TBXAS1: variants seen among roughly 807,000 people sequenced by gnomAD.
TBXAS1 encodes thromboxane-A synthase.
Under a neutral mutation model 60.7 loss-of-function variants are expected in TBXAS1, and 48 were observed. The ratio of observed to expected loss-of-function variants is 0.79; its 90% CI spans 0.63 to 1.01. The LOEUF (loss-of-function observed/expected upper bound fraction) is 1.01. Among genes scored for constraint, TBXAS1 ranks in the 50% least tolerant of loss-of-function variants. TBXAS1 has a pLI of 0.00. For synonymous variants in TBXAS1, 287 were observed against 269.7 expected (o/e 1.06, Z -0.63); for missense variants, 685 against 686.3 (o/e 1.00, Z 0.02).
At chr7:139,950,037 A>ATTTT (rs3082651) in intron 5 of TBXAS1, among the ~76,000 whole-genome samples, 1 of 103,544 alleles carries the variant, frequency 9.7e-6, no homozygotes. Context: ...AGGTGATGGG[A>ATTTT]TTTTTTTTTT....
intron 4 of TBXAS1, among the ~76,000 whole-genome samples, chr7:139,803,825 C>G (rs1169331074): frequency 1.3e-5 from 2 of 152,194 alleles, no homozygotes; most frequent in Non-Finnish European, 2.9e-5. Flanking sequence ...GCAAAAAAGT[C>G]AAGAATTGAG....
chr7:139,984,397 C>T (rs1418433492), intron 9 of TBXAS1, among the ~76,000 whole-genome samples: 2 of 151,948 alleles, frequency 1.3e-5, no homozygotes, highest in South Asian at 2.1e-4. Context: ...CCTCCTTGAC[C>T]TGCCACAATG....
At position 139,953,422 on chromosome 7, in the gene TBXAS1, T is replaced by G; in HGVS notation, c.505T>G (p.Tyr169Asp). 6.2e-7 allele frequency: 1 copy of G among 1,614,222 alleles called. No individual in the cohort carries two copies. Among genetic ancestry groups the G allele is most frequent in the Non-Finnish European group, 8.5e-7 (1 of 1,180,028 alleles). The change falls in exon 6 of 13, where the codon TAT becomes GAT. Residue 169 changes from tyrosine (Y) to aspartate (D), a missense_variant. Coordinates refer to ENST00000448866, the MANE Select transcript of TBXAS1 (RefSeq NM_001061.7). ...CDLLLAHLKR[Y>D]AESGDAFDIQ... ...CCTTCTCCTGGCTCATTTAAAACGCTATGCGGAATCTGGGGACGCATTTGA... is the reference window on the plus strand; with the variant it reads ...CCTTCTCCTGGCTCATTTAAAACGCGATGCGGAATCTGGGGACGCATTTGA...
intron 1 of TBXAS1, among the ~76,000 whole-genome samples, chr7:139,839,825 G>C (rs530970953): frequency 6.6e-6 from 1 of 151,334 alleles, no homozygotes; most frequent in Non-Finnish European, 1.5e-5. Flanking sequence ...CACTACACTC[G>C]CACTCCAGCC....
At chr7:139,851,541 A>G (rs1800212996) in intron 1 of TBXAS1, among the ~76,000 whole-genome samples, 1 of 152,240 alleles carries the variant, frequency 6.6e-6, no homozygotes, top group African/African-American at 2.4e-5. Context: ...CTTTTCCAGT[A>G]AAAGCATGGC....
At chr7:139,859,139 T>G (rs1411411519) in intron 1 of TBXAS1, among the ~76,000 whole-genome samples, 4 of 151,996 alleles carry the variant, frequency 2.6e-5, no homozygotes, top group Non-Finnish European at 4.4e-5. Flanking sequence ...CCTCCCAAAG[T>G]GCTGGGATTA....
chr7:139,887,344 G>A (rs777566826), intron 3 of TBXAS1, among the ~76,000 whole-genome samples: 2 of 151,964 alleles, frequency 1.3e-5, no homozygotes, highest in Admixed American at 6.5e-5. Flanking sequence ...TCACATTGTC[G>A]TGCAGCTATC....
intron 4 of TBXAS1, among the ~76,000 whole-genome samples, chr7:139,791,971 G>A (rs1348443014): frequency 2.7e-5 from 4 of 148,726 alleles, no homozygotes; most frequent in African/African-American, 1.0e-4. Context: ...TTTTTTTCCT[G>A]TGGGAAGATA....
intron 4 of TBXAS1, among the ~76,000 whole-genome samples, chr7:139,925,745 GT>G (rs1239670273): frequency 6.6e-6 from 1 of 152,110 alleles, no homozygotes; most frequent in East Asian, 1.9e-4. Context: ...AAGGTTTTCA[GT>G]TTTTCCCCAT....
At chr7:139,810,330 G>A (rs994983459) in intron 4 of TBXAS1, among the ~76,000 whole-genome samples, 6 of 152,168 alleles carry the variant, frequency 3.9e-5, no homozygotes, top group South Asian at 2.1e-4. Context: ...CACTGTGCCC[G>A]GCCTGGAAAT....
In TBXAS1 at chr7:139,957,648, A is replaced by C; in HGVS notation, c.703A>C (p.Ile235Leu). ...ILVLLLSFPS[I>L]MVPLARILPN... ...TCTCTTTCAAGTATCATTTCCATCC[A>C]TAATGGTCCCACTGGCCCGGATTTT... Residue 235 changes from isoleucine (I) to leucine (L), a missense_variant, in exon 8 of 13, where the codon ATA (isoleucine) becomes CTA (leucine). Physicochemically the swap from Ile to Leu is conservative, Grantham distance 5 (BLOSUM62 2). Transcript: ENST00000448866. 6.2e-7 allele frequency: 1 copy of C among 1,614,120 alleles called. No individual in the cohort carries two copies. The highest frequency in any genetic ancestry group is 8.5e-7 in the Non-Finnish European group (1 of 1,180,020).
intron 5 of TBXAS1, among the ~76,000 whole-genome samples, chr7:139,950,688 G>A (rs765182121): frequency 2.9e-3 from 419 of 144,014 alleles, no homozygotes; most frequent in Middle Eastern, 0.015. Context: ...GGACCCCCTC[G>A]CCCTCCATCT....
chr7:139,995,421 C>T (rs923517785), intron 9 of TBXAS1, among the ~76,000 whole-genome samples: 8 of 152,088 alleles, frequency 5.3e-5, no homozygotes, highest in African/African-American at 1.7e-4. Flanking sequence ...TCCGCCTTCC[C>T]GTCACGTTTA....
At chr7:139,967,072 C>T (rs1295338383) in intron 9 of TBXAS1, among the ~76,000 whole-genome samples, 1 of 152,232 alleles carries the variant, frequency 6.6e-6, no homozygotes, top group African/African-American at 2.4e-5. Context: ...GGCTCCAGCT[C>T]CTGCCACCAG....
At chr7:139,866,789 GA>G (rs1801448491) in intron 1 of TBXAS1, among the ~76,000 whole-genome samples, 1 of 151,352 alleles carries the variant, frequency 6.6e-6, no homozygotes, top group Non-Finnish European at 1.5e-5. Context: ...AGAGACATAG[GA>G]AAAATATAGA....
At chr7:139,978,030 CG>C (rs1172132384) in intron 9 of TBXAS1, among the ~76,000 whole-genome samples, 2 of 152,012 alleles carry the variant, frequency 1.3e-5, no homozygotes, top group African/African-American at 4.8e-5. Context: ...TGAACGATGT[CG>C]GGGGTATTGT....
intron 5 of TBXAS1, among the ~76,000 whole-genome samples, chr7:139,948,704 A>ATG (rs150723491): frequency 2.6e-5 from 4 of 151,976 alleles, no homozygotes; most frequent in East Asian, 1.9e-4. Context: ...TCATCTGTGC[A>ATG]TGTGTGTGTG....
Position 140,015,704 on chromosome 7 carries a change from G to C in TBXAS1, c.1227-19G>C, listed in dbSNP as rs527726129. ...TCATCTCTTCTCTGTATCCACCCCCGACCTGGTGTTTCCCTCAGATTCACA... is the reference window on the plus strand; with the variant it reads ...TCATCTCTTCTCTGTATCCACCCCCCACCTGGTGTTTCCCTCAGATTCACA... On this transcript the variant is annotated intron_variant, in intron 10 of 12. Coordinates refer to ENST00000448866, the MANE Select transcript of TBXAS1 (RefSeq NM_001061.7). 28 of 1,612,236 alleles carry C rather than the reference G, an allele frequency of 1.7e-5. No homozygotes were observed. In the Admixed American group the frequency reaches 4.5e-4, roughly 26 times the overall value.
At chr7:139,810,022 T>G (rs1797986945) in intron 4 of TBXAS1, among the ~76,000 whole-genome samples, 1 of 152,078 alleles carries the variant, frequency 6.6e-6, no homozygotes. Context: ...TTGGTCATTT[T>G]CAATAAGTGG....
Sources: gnomAD v4.1 joint callset for allele counts (sites outside exome capture counted in the v4.1 genomes callset) on GRCh38, gnomAD v4.1.1 for gene constraint, MANE v1.5 for transcripts, NCBI Gene and HGNC (gene_info 2026-07-23, HGNC 2026-07-21) for gene names.